CORO2B: variants seen among roughly 807,000 people sequenced by gnomAD.
The protein encoded by CORO2B is coronin 2B, also known as coronin-2B.
CORO2B carries 26 observed loss-of-function variants against 58.8 expected under a neutral mutation model. The observed-to-expected ratio is 0.44, with a 90% CI of 0.32 to 0.61. The LOEUF is 0.61. Among genes scored for constraint, CORO2B ranks in the 20% least tolerant of loss-of-function variants. The pLI is 0.04. For missense variants in CORO2B, 460 were observed against 645.1 expected, an observed-to-expected ratio of 0.71 and a Z score of 3.11; for synonymous variants, 242 against 253.8, an observed-to-expected ratio of 0.95 and a Z score of 0.44.
the CORO2B span, among the ~76,000 whole-genome samples, chr15:68,525,375 A>C: frequency 6.6e-6 from 1 of 152,208 alleles, no homozygotes; most frequent in Non-Finnish European, 1.5e-5. Flanking sequence ...AGGACTACAG[A>C]TGTTTTGAAG....
At chr15:68,546,765 G>T in the CORO2B span, among the ~76,000 whole-genome samples, 14 of 152,096 alleles carry the variant, frequency 9.2e-5, no homozygotes, top group African/African-American at 3.4e-4. Flanking sequence ...GTCTTATGAT[G>T]ACCTTTTCTT....
intron 11 of CORO2B, among the ~76,000 whole-genome samples, chr15:68,724,642 G>A (rs1441900794): frequency 1.3e-5 from 2 of 152,150 alleles, no homozygotes; most frequent in African/African-American, 4.8e-5. Context: ...ATTTTCTAAA[G>A]CATTTAATTA....
At chr15:68,538,202 T>A in the CORO2B span, among the ~76,000 whole-genome samples, 1 of 152,242 alleles carries the variant, frequency 6.6e-6, no homozygotes, top group South Asian at 2.1e-4. Flanking sequence ...ATTTTTTCCC[T>A]TTCTCCTTTT....
chr15:68,578,042 A>G (rs893538914), upstream of CORO2B, among the ~76,000 whole-genome samples: 4 of 152,100 alleles, frequency 2.6e-5, no homozygotes, highest in African/African-American at 7.2e-5. The surrounding 1 kb of genome is among the most constrained non-coding windows in gnomAD (Gnocchi z 4.2). Flanking sequence ...GCGGTTCTGT[A>G]TCTGCGGAAA....
At chr15:68,555,382 T>A in the CORO2B span, among the ~76,000 whole-genome samples, 1 of 152,182 alleles carries the variant, frequency 6.6e-6, no homozygotes, top group African/African-American at 2.4e-5. Flanking sequence ...ACTGAGAGAA[T>A]GAGCTCCCCA....
At chr15:68,568,824 G>T in the CORO2B span, among the ~76,000 whole-genome samples, 1 of 152,234 alleles carries the variant, frequency 6.6e-6, no homozygotes, top group African/African-American at 2.4e-5. Context: ...ACTGGGGCCT[G>T]CCAGCCAGGA....
Position 68,672,954 on chromosome 15 carries a change from G to A in CORO2B, c.217-22186G>A, listed in dbSNP as rs537209239. 1.3e-3 allele frequency among the ~76,000 whole-genome samples: 197 copies of A among 152,296 alleles called. 2 individuals carry two copies. The highest frequency in any genetic ancestry group is 4.3e-3 in the African/African-American group (180 of 41,542). ...TGCGCCTAATGGGGGGTACCAGGGTGTGGGGTATGGGTTGAAGATGAGATC... is the reference window on the plus strand; with the variant it reads ...TGCGCCTAATGGGGGGTACCAGGGTATGGGGTATGGGTTGAAGATGAGATC... On this transcript the variant is annotated intron_variant, in intron 2 of 11. Coordinates refer to ENST00000261861, the MANE Select transcript of CORO2B (RefSeq NM_006091.5).
intron 1 of CORO2B, among the ~76,000 whole-genome samples, chr15:68,624,616 T>C (rs114250240): frequency 0.017 from 2,544 of 152,038 alleles, 77 homozygotes; most frequent in African/African-American, 0.059. Context: ...CAAGAGTTCC[T>C]GGGGTCCATG....
chr15:68,624,245 G>A (rs1285802623), intron 1 of CORO2B, among the ~76,000 whole-genome samples: 2 of 152,154 alleles, frequency 1.3e-5, no homozygotes, highest in South Asian at 4.1e-4. Flanking sequence ...GACTTGCAGT[G>A]GTGTGAGACT....
chr15:68,663,792 C>T (rs1902093521), intron 2 of CORO2B, among the ~76,000 whole-genome samples: 1 of 152,152 alleles, frequency 6.6e-6, no homozygotes, highest in Admixed American at 6.5e-5. Context: ...GCCAATAGGC[C>T]TGTGAAAAGG....
chr15:68,718,564 G>T, intron 8 of CORO2B, 134 bp from the exon 9 acceptor site: 1 of 713,946 alleles, frequency 1.4e-6, no homozygotes, highest in East Asian at 2.7e-5. Flanking sequence ...TCTACCCCCT[G>T]CCCTCTGCAT....
intron 1 of CORO2B, among the ~76,000 whole-genome samples, chr15:68,638,389 A>G (rs1303341962): frequency 1.3e-5 from 2 of 152,246 alleles, no homozygotes; most frequent in African/African-American, 4.8e-5. Context: ...ACTTCATTGT[A>G]TCCAGTGAGC....
chr15:68,579,047 T>G lies in CORO2B; in HGVS notation c.-216T>G. The stretch of plus-strand genomic sequence containing the variant: ...AGGCTCATCTATTATAAATGCACAT[T>G]CGGGGCTGACATCAGCGACGAGCGG... On this transcript the variant is annotated 5_prime_UTR_variant, in exon 1 of 12. It adds an upstream start codon to the 5' untranslated region. Coordinates refer to ENST00000261861, the MANE Select transcript of CORO2B (RefSeq NM_006091.5). 1.0e-6 allele frequency: 1 copy of G among 984,176 alleles called. No homozygotes were observed. 61.0% of individuals were successfully genotyped at this position (984,176 alleles called of 1,614,324 possible). A position where few individuals can be genotyped will look rare whatever the true frequency, so the allele number is the denominator to read the frequency against.
At chr15:68,555,861 C>T in the CORO2B span, among the ~76,000 whole-genome samples, 6 of 152,074 alleles carry the variant, frequency 3.9e-5, no homozygotes, top group African/African-American at 1.2e-4. Flanking sequence ...CCGTGCTGAG[C>T]GCCAAACTTC....
chr15:68,605,711 GTTTTTTTTTTTT>G (rs35340917), intron 1 of CORO2B, among the ~76,000 whole-genome samples: 61 of 99,134 alleles, frequency 6.2e-4, no homozygotes, highest in African/African-American at 2.3e-3. Context: ...GGGCTCTTGG[GTTTTTTTTTTTT>G]TTTTTTTTTT....
chr15:68,622,278 G>A (rs1346641233), intron 1 of CORO2B, among the ~76,000 whole-genome samples: 1 of 152,182 alleles, frequency 6.6e-6, no homozygotes, highest in Non-Finnish European at 1.5e-5. Context: ...GGCATGTTTT[G>A]AGACTGCCCA....
At chr15:68,612,028 C>G (rs1038509721) in intron 1 of CORO2B, among the ~76,000 whole-genome samples, 1 of 152,316 alleles carries the variant, frequency 6.6e-6, no homozygotes, top group African/African-American at 2.4e-5. Context: ...ACCTCCACTG[C>G]CCAAAGTGCA....
chr15:68,617,834 T>C (rs960872131), intron 1 of CORO2B, among the ~76,000 whole-genome samples: 5 of 152,210 alleles, frequency 3.3e-5, no homozygotes, highest in African/African-American at 1.2e-4. Flanking sequence ...GTGAGCCCTG[T>C]GCCTGAATGG....
the CORO2B span, among the ~76,000 whole-genome samples, chr15:68,527,690 AC>A: frequency 6.6e-6 from 1 of 152,208 alleles, no homozygotes; most frequent in African/African-American, 2.4e-5. Context: ...CTTGACAATT[AC>A]TTTTAAAAGC....
Sources: gnomAD v4.1 joint callset for allele counts (sites outside exome capture counted in the v4.1 genomes callset) on GRCh38, gnomAD v4.1.1 for gene constraint, Gnocchi (gnomAD v3.1) non-coding constraint, MANE v1.5 for transcripts, NCBI Gene and HGNC (gene_info 2026-07-23, HGNC 2026-07-21) for gene names.